DNAJC6: variants seen among roughly 807,000 people sequenced by gnomAD.
The protein encoded by DNAJC6 is DnaJ heat shock protein family (Hsp40) member C6, also known as auxilin.
A neutral mutation model predicts 110.0 loss-of-function variants in DNAJC6; 34 were observed. The ratio of observed to expected loss-of-function variants is 0.31; its 90% confidence interval spans 0.24 to 0.41. The LOEUF (loss-of-function observed/expected upper bound fraction) is 0.41, where lower values mean the gene tolerates loss of function less well. Ranked by LOEUF, DNAJC6 falls within the 10% of genes least tolerant of loss-of-function variation. The pLI is 1.00. For synonymous variants in DNAJC6, 406 were observed against 437.2 expected, an observed-to-expected ratio of 0.93 and a Z score of 0.89; for missense variants, 1,031 against 1,207.8, an observed-to-expected ratio of 0.85 and a Z score of 2.17.
Position 65,389,465 on chromosome 1 carries a change from T to C in DNAJC6, c.1387+16T>C. 1.2e-6 allele frequency: 2 copies of C among 1,613,630 alleles called. No homozygotes were observed. The highest frequency in any genetic ancestry group is 1.1e-5 in the South Asian group (1 of 91,034). ...GCCTTAGGAGGTATGAGTCACCTGA[T>C]GGTTTTGTTTTTCAGGATGAAGCCT... On this transcript the variant is annotated intron_variant, in intron 10 of 18. Transcript: ENST00000371069.
chr1:65,342,598 G>A (rs2375699), intron 1 of DNAJC6, among the ~76,000 whole-genome samples: 77,843 of 151,954 alleles, frequency 0.51, 20,324 homozygotes, highest in African/African-American at 0.56. Context: ...CAGCCCAAAT[G>A]GTCTAAGACA....
intron 1 of DNAJC6, among the ~76,000 whole-genome samples, chr1:65,326,013 T>G (rs1645238403): frequency 6.6e-6 from 1 of 152,260 alleles, no homozygotes; most frequent in African/African-American, 2.4e-5. Context: ...GTTATTATCC[T>G]ATGGGATGAC....
chr1:65,381,138 C>T (rs996644808), intron 5 of DNAJC6, among the ~76,000 whole-genome samples: 1 of 151,480 alleles, frequency 6.6e-6, no homozygotes, highest in South Asian at 2.1e-4. Context: ...AGGATGGTCT[C>T]GATCTCTTGA....
chr1:65,383,028 A>G (rs1473589824), intron 5 of DNAJC6, among the ~76,000 whole-genome samples: 1 of 152,206 alleles, frequency 6.6e-6, no homozygotes, highest in Non-Finnish European at 1.5e-5. Context: ...TGTTCTCACA[A>G]AAGGATGAGG....
Position 65,358,639 on chromosome 1 carries a change from A to G in DNAJC6, c.194-5996A>G, listed in dbSNP as rs181701596. Among the ~76,000 whole-genome samples the G allele has an allele frequency of 2.1e-3, 325 of 152,338 alleles. 1 individual carries two copies. The highest frequency in any genetic ancestry group is 7.5e-3 in the African/African-American group (311 of 41,568). ...TTCTTTTACAAAAGTAAGATTACAC[A>G]GTGGATTATGTGTTGTAGCCTGCTT... On this transcript the variant is annotated intron_variant, in intron 1 of 18. Transcript: ENST00000371069.
rs1201550164 is a variant in DNAJC6 at position 65,366,202 on chromosome 1, G to A, written c.543+6G>A. ...CTGCCAAGTTTCACAGCCGGGTAAGGATTTTTAGCCCTGAGATCATACTGT... is the reference window on the plus strand; with the variant it reads ...CTGCCAAGTTTCACAGCCGGGTAAGAATTTTTAGCCCTGAGATCATACTGT... On this transcript the variant is annotated splice_donor_region_variant and intron_variant, in intron 4 of 18. Coordinates refer to ENST00000371069, the MANE Select transcript of DNAJC6 (RefSeq NM_001256864.2). The A allele has an allele frequency of 1.2e-6, 2 of 1,613,234 alleles. No homozygotes were observed. Among genetic ancestry groups the A allele is most frequent in the Non-Finnish European group, 1.7e-6 (2 of 1,179,508 alleles).
chr1:65,378,098 G>C (rs1557550438), intron 4 of DNAJC6, among the ~76,000 whole-genome samples: 1 of 151,670 alleles, frequency 6.6e-6, no homozygotes. Flanking sequence ...TATCTCCTGA[G>C]TCCCTCAAGT....
chr1:65,307,978 A>G (rs545746608), upstream of DNAJC6, among the ~76,000 whole-genome samples: 3 of 152,326 alleles, frequency 2.0e-5, no homozygotes, highest in South Asian at 6.2e-4. Context: ...GAAGGACTGG[A>G]AGGATTTAGA....
chr1:65,403,462 G>C (rs1646047548), intron 15 of DNAJC6, among the ~76,000 whole-genome samples: 1 of 152,148 alleles, frequency 6.6e-6, no homozygotes, highest in African/African-American at 2.4e-5. Context: ...TCATTTCACA[G>C]GTATTTTTGA....
chr1:65,364,701 C>T lies in DNAJC6; in HGVS notation c.260C>T (p.Ala87Val), dbSNP rs914092483. Residue 87 changes from alanine to valine, a missense_variant, in exon 2 of 19, where the codon GCA becomes GTA. By Grantham distance (64) the Ala-to-Val change is moderately conservative. Coordinates refer to ENST00000371069, the MANE Select transcript of DNAJC6 (RefSeq NM_001256864.2). Reference protein sequence around the residue: ...GGLFDMVKGGAGRLFSNLKDN... With the variant: ...GGLFDMVKGGVGRLFSNLKDN... ...CTCTTTGACATGGTAAAAGGAGGTG[C>T]AGGGAGGCTCTTTAGTAACCTAAAG... 7 of 1,611,822 alleles carry T rather than the reference C, an allele frequency of 4.3e-6. No homozygotes were observed. The highest frequency in any genetic ancestry group is 5.1e-6 in the Non-Finnish European group (6 of 1,179,510).
In DNAJC6 at chr1:65,401,995, G is replaced by A. The variant is rs556334287; in HGVS notation, c.2227+115G>A. On this transcript the variant is annotated intron_variant, in intron 15 of 18. Coordinates refer to ENST00000371069, the MANE Select transcript of DNAJC6 (RefSeq NM_001256864.2). ...ATTGTCACCTGGAACCTCAAATAGT[G>A]TGTATTCTTAAGCTATCCTCTGAAA... 6.2e-5 allele frequency: 88 copies of A among 1,408,240 alleles called. No homozygotes were observed. The Middle Eastern group carries it at 1.6e-3, about 26-fold the overall frequency. 87.2% of individuals were successfully genotyped at this position (1,408,240 alleles called of 1,614,324 possible).
At chr1:65,324,448 C>T (rs929700089) in intron 1 of DNAJC6, among the ~76,000 whole-genome samples, 3 of 152,064 alleles carry the variant, frequency 2.0e-5, no homozygotes, top group African/African-American at 7.2e-5. Flanking sequence ...CAACCTCCAC[C>T]TCCCGGGTTC....
chr1:65,381,482 G>A (rs1346052461), intron 5 of DNAJC6, among the ~76,000 whole-genome samples: 2 of 151,600 alleles, frequency 1.3e-5, no homozygotes, highest in African/African-American at 4.8e-5. Context: ...CTGGGAGGCG[G>A]AGGTTGCAGT....
chr1:65,371,908 T>C (rs1645709864), intron 4 of DNAJC6, among the ~76,000 whole-genome samples: 1 of 152,180 alleles, frequency 6.6e-6, no homozygotes, highest in Non-Finnish European at 1.5e-5. Context: ...ATTTTGTTGG[T>C]TTTGTTTATG....
At chr1:65,316,673 A>G (rs893754287) in intron 1 of DNAJC6, among the ~76,000 whole-genome samples, 10 of 152,246 alleles carry the variant, frequency 6.6e-5, no homozygotes, top group Admixed American at 5.2e-4. Flanking sequence ...AAATAAGCAT[A>G]CAGCTAGGTT....
At chr1:65,282,254 AT>A (rs994608589) in intron 1 of DNAJC6, among the ~76,000 whole-genome samples, 3 of 152,100 alleles carry the variant, frequency 2.0e-5, no homozygotes, top group Non-Finnish European at 4.4e-5. Flanking sequence ...TTTAGAAAAA[AT>A]TTTTTTCAAG....
chr1:65,395,154 G>T, intron 13 of DNAJC6, 122 bp downstream of exon 13: 1 of 1,109,116 alleles, frequency 9.0e-7, no homozygotes, highest in Non-Finnish European at 1.2e-6. Context: ...ACACATCTCT[G>T]TTTTTGAAAT....
intron 12 of DNAJC6, among the ~76,000 whole-genome samples, chr1:65,393,683 G>A (rs1645950644): frequency 6.6e-6 from 1 of 152,148 alleles, no homozygotes; most frequent in African/African-American, 2.4e-5. Flanking sequence ...CAGAGATCCA[G>A]CACAGCTCCT....
At chr1:65,271,240 A>G (rs1653496137) in intron 1 of DNAJC6, among the ~76,000 whole-genome samples, 1 of 152,148 alleles carries the variant, frequency 6.6e-6, no homozygotes, top group South Asian at 2.1e-4. Context: ...TATCACCTCA[A>G]ATATTTATCA....
Sources: allele counts gnomAD v4.1 joint callset (sites outside exome capture counted in the v4.1 genomes callset), GRCh38; gene constraint gnomAD v4.1.1; transcripts MANE v1.5; gene names NCBI Gene and HGNC (gene_info 2026-07-23, HGNC 2026-07-21).